MYO10: variants seen among roughly 807,000 people sequenced by gnomAD.
MYO10 encodes myosin X.
In MYO10, 133 loss-of-function variants were observed where a neutral mutation model predicts 257.3. That is an observed-to-expected ratio of 0.52 (90% CI 0.45 to 0.60). The LOEUF is 0.60. Ranked by LOEUF, MYO10 falls within the 20% of genes least tolerant of loss-of-function variation. The pLI is 0.00. For synonymous variants in MYO10, 1,104 were observed against 1,028.6 expected, an observed-to-expected ratio of 1.07 and a Z score of -1.40; for missense variants, 2,399 against 2,635.7, an observed-to-expected ratio of 0.91 and a Z score of 1.97.
At chr5:16,788,524 AG>A (rs1741660238) in intron 4 of MYO10, among the ~76,000 whole-genome samples, 5 of 152,088 alleles carry the variant, frequency 3.3e-5, no homozygotes, top group Admixed American at 2.6e-4. Flanking sequence ...GCACAAGAGG[AG>A]GGACAAGTTT....
At chr5:16,858,209 G>T (rs1027078876) in intron 2 of MYO10, among the ~76,000 whole-genome samples, 4 of 152,108 alleles carry the variant, frequency 2.6e-5, no homozygotes, top group African/African-American at 9.7e-5. Context: ...TGATTTTCAC[G>T]TGTCAAAATA....
intron 19 of MYO10, among the ~76,000 whole-genome samples, chr5:16,722,840 T>C (rs905844716): frequency 2.6e-5 from 4 of 152,168 alleles, no homozygotes; most frequent in African/African-American, 4.8e-5. Flanking sequence ...AGGATTTCAT[T>C]AAAATTAAAA....
At chr5:16,908,447 G>A (rs1745572411) in intron 1 of MYO10, among the ~76,000 whole-genome samples, 1 of 152,034 alleles carries the variant, frequency 6.6e-6, no homozygotes, top group Non-Finnish European at 1.5e-5. Context: ...AGAATCGCTT[G>A]AACCCAGGAG....
intron 19 of MYO10, chr5:16,742,160 G>A (rs1740040732): frequency 1.0e-6 from 1 of 985,300 alleles, no homozygotes; most frequent in Non-Finnish European, 1.2e-6. Flanking sequence ...AAAGTCCCAG[G>A]ACAAAATCAA....
intron 2 of MYO10, among the ~76,000 whole-genome samples, chr5:16,876,585 T>C (rs1744610679): frequency 6.6e-6 from 1 of 152,166 alleles, no homozygotes; most frequent in Admixed American, 6.5e-5. Flanking sequence ...GAAGGAGTCT[T>C]GCTCTGTCAC....
At chr5:16,711,057 G>A (rs370679453) in intron 20 of MYO10, 35 bp from the exon 21 acceptor site, 83 of 1,613,060 alleles carry the variant, frequency 5.1e-5, no homozygotes, top group Non-Finnish European at 6.4e-5. Flanking sequence ...CACCTTCTGC[G>A]ATGGTTCCCT....
chr5:16,886,361 T>C (rs1431938000), intron 1 of MYO10, among the ~76,000 whole-genome samples: 1 of 152,156 alleles, frequency 6.6e-6, no homozygotes, highest in Non-Finnish European at 1.5e-5. Flanking sequence ...TTATAGACGT[T>C]TGTTCTCTAT....
intron 2 of MYO10, among the ~76,000 whole-genome samples, chr5:16,867,506 C>T (rs1459886590): frequency 1.3e-5 from 2 of 152,120 alleles, no homozygotes; most frequent in African/African-American, 4.8e-5. Flanking sequence ...AGAAAACCAG[C>T]TGGACAGGGT....
Position 16,664,336 on chromosome 5 carries a change from A to AT in MYO10, c.*2355dup, listed in dbSNP as rs1736075401. ...GGCGGGCGACAGCCTTCCAGAGTAA[A>AT]TTAAGTCACAGAGGGAATCCTGAGA... is the stretch of plus-strand genomic sequence containing the variant. On this transcript the variant is annotated 3_prime_UTR_variant, in exon 41 of 41. Coordinates refer to ENST00000513610, the MANE Select transcript of MYO10 (RefSeq NM_012334.3). The AT allele has an allele frequency of 6.6e-6, 1 of 152,226 alleles. No individual in the cohort carries two copies. Among genetic ancestry groups the AT allele is most frequent in the African/African-American group, 2.4e-5 (1 of 41,456 alleles). The allele number at this position is 152,226 out of a possible 1,614,324, so 9.4% of individuals were successfully genotyped here. A position where few individuals can be genotyped will look rare whatever the true frequency, so the allele number is the denominator to read the frequency against.
At chr5:16,838,911 G>C (rs1403866908) in intron 2 of MYO10, among the ~76,000 whole-genome samples, 1 of 152,128 alleles carries the variant, frequency 6.6e-6, no homozygotes, top group Non-Finnish European at 1.5e-5. Context: ...TTTACAGCAT[G>C]GTTTTAGTGA....
intron 19 of MYO10, among the ~76,000 whole-genome samples, chr5:16,729,451 C>CTTTTTTTTT (rs1331507610): frequency 6.7e-6 from 1 of 150,042 alleles, no homozygotes; most frequent in African/African-American, 2.5e-5. Flanking sequence ...GTTGTATTTT[C>CTTTTTTTTT]TATTTTTTTT....
intron 1 of MYO10, among the ~76,000 whole-genome samples, chr5:16,883,408 C>T (rs1270136823): frequency 6.6e-6 from 1 of 152,164 alleles, no homozygotes; most frequent in Non-Finnish European, 1.5e-5. Flanking sequence ...TAAGTCTCTG[C>T]TCTCCAGTAA....
At position 16,721,216 on chromosome 5, in the gene MYO10, C is replaced by T. The variant is rs1420470059; in HGVS notation, c.1930-9971G>A. The stretch of plus-strand genomic sequence containing the variant: ...CCTCACAACAGGACTCCCATCCCCT[C>T]CTCTTGCTGATTCACAAAGAACTCT... On this transcript the variant is annotated intron_variant, in intron 19 of 40. Transcript: ENST00000513610. Among the ~76,000 whole-genome samples, 5 of 152,316 alleles carry T rather than the reference C, an allele frequency of 3.3e-5. No individual in the cohort carries two copies. The East Asian group carries it at 9.7e-4, about 29-fold the overall frequency.
chr5:16,800,284 A>G (rs2126686783), intron 3 of MYO10, among the ~76,000 whole-genome samples: 1 of 152,304 alleles, frequency 6.6e-6, no homozygotes, highest in South Asian at 2.1e-4. Flanking sequence ...CCGGCCAGCT[A>G]CGGTGGGTCA....
intron 4 of MYO10, among the ~76,000 whole-genome samples, chr5:16,784,281 A>T (rs1240015900): frequency 6.6e-6 from 1 of 152,264 alleles, no homozygotes; most frequent in Non-Finnish European, 1.5e-5. Flanking sequence ...GCGGCAGAGA[A>T]GATGAGCTGA....
rs78374313 is a variant in MYO10, at chr5:16,783,514, T to A, written c.468-45A>T. The A allele has an allele frequency of 1.5e-3, 2,315 of 1,561,872 alleles. 16 individuals are homozygous for A. The African/African-American group carries it at 0.018, about 12-fold the overall frequency. On this transcript the variant is annotated intron_variant, in intron 4 of 40. Transcript: ENST00000513610. ...AGTTTGTGCTTCTAACTATAATTTT[T>A]AAAAAAAAATCAGCTTTGGTCAATG...
chr5:16,858,446 A>G (rs982770904), intron 2 of MYO10, among the ~76,000 whole-genome samples: 11 of 151,980 alleles, frequency 7.2e-5, no homozygotes, highest in African/African-American at 1.5e-4. Flanking sequence ...TTTTGTAAAA[A>G]AAAAAAAAAA....
At position 16,935,845 on chromosome 5, in the gene MYO10, C is replaced by T; in HGVS notation, c.-37G>A. On this transcript the variant is annotated 5_prime_UTR_variant, in exon 1 of 41. Coordinates refer to ENST00000513610, the MANE Select transcript of MYO10 (RefSeq NM_012334.3). ...AGTCCCGGACTCGCCGAGTGCCGCT[C>T]CGACTCGCGGAAGTCAGCGCCGCCG... The T allele has an allele frequency of 6.2e-7, 1 of 1,611,078 alleles. No individual in the cohort carries two copies. Among genetic ancestry groups the T allele is most frequent in the Non-Finnish European group, 8.5e-7 (1 of 1,178,920 alleles).
chr5:16,758,086 C>T (rs373144092), intron 18 of MYO10, 32 bp downstream of exon 18: 16 of 1,461,930 alleles, frequency 1.1e-5, no homozygotes, highest in East Asian at 6.8e-5. Flanking sequence ...ACAGTAACGA[C>T]GGATTCCTCT....
Sources: allele counts gnomAD v4.1 joint callset (sites outside exome capture counted in the v4.1 genomes callset), GRCh38; gene constraint gnomAD v4.1.1; transcripts MANE v1.5; gene names NCBI Gene and HGNC (gene_info 2026-07-23, HGNC 2026-07-21).